Variants in CTIF observed in about 807,000 individuals in gnomAD.
CTIF encodes CBP80/20-dependent translation initiation factor.
In CTIF, 21 loss-of-function variants were observed where a neutral mutation model predicts 66.0. That is an observed-to-expected ratio of 0.32 (90% CI 0.23 to 0.46). The LOEUF (loss-of-function observed/expected upper bound fraction) is 0.46. Ranked by LOEUF, CTIF falls within the 20% of genes least tolerant of loss-of-function variation. The probability of loss-of-function intolerance (pLI) is 1.00; values close to 1 mark genes in which losing one functional copy is unlikely to be tolerated. For missense variants in CTIF, 739 were observed against 812.7 expected (o/e 0.91, Z 1.10); for synonymous variants, 345 against 326.4 (o/e 1.06, Z -0.62).
At chr18:48,825,696 A>G (rs2068569311) in intron 10 of CTIF, among the ~76,000 whole-genome samples, 1 of 152,226 alleles carries the variant, frequency 6.6e-6, no homozygotes, top group South Asian at 2.1e-4. Flanking sequence ...CACTTTGGCC[A>G]GAAGTGACCA....
chr18:48,732,439 G>T (rs1598944747), intron 7 of CTIF, among the ~76,000 whole-genome samples: 1 of 151,848 alleles, frequency 6.6e-6, no homozygotes, highest in Non-Finnish European at 1.5e-5. Context: ...CCTTGATGAC[G>T]GGGCTGACCA....
chr18:48,666,335 GTGT>G (rs1004350186), intron 5 of CTIF, among the ~76,000 whole-genome samples: 9 of 152,236 alleles, frequency 5.9e-5, no homozygotes, highest in African/African-American at 2.2e-4. Context: ...TCCCATCATA[GTGT>G]AATGAGCAAC....
At chr18:48,659,170 C>A (rs2091297611) in intron 3 of CTIF, among the ~76,000 whole-genome samples, 1 of 152,052 alleles carries the variant, frequency 6.6e-6, no homozygotes, top group African/African-American at 2.4e-5. Flanking sequence ...AAGGAGGTGT[C>A]CAGATTCTTG....
intron 1 of CTIF, among the ~76,000 whole-genome samples, chr18:48,574,555 T>C (rs921058484): frequency 2.0e-5 from 3 of 152,190 alleles, no homozygotes; most frequent in African/African-American, 4.8e-5. Context: ...CAGGGCCGCT[T>C]GGGACCCTCC....
chr18:48,743,330 T>C (rs1197216301), intron 7 of CTIF, among the ~76,000 whole-genome samples: 1 of 152,158 alleles, frequency 6.6e-6, no homozygotes, highest in African/African-American at 2.4e-5. Flanking sequence ...TCCTAAAAAC[T>C]CTCGGGTCTC....
chr18:48,858,385 G>A (rs116510788), intron 11 of CTIF, among the ~76,000 whole-genome samples: 6 of 152,386 alleles, frequency 3.9e-5, no homozygotes, highest in African/African-American at 1.4e-4. Flanking sequence ...CCCTACAGGG[G>A]GCTTGGGATT....
At chr18:48,579,390 C>G (rs55902088) in intron 1 of CTIF, among the ~76,000 whole-genome samples, 11,045 of 152,224 alleles carry the variant, frequency 0.073, 641 homozygotes, top group African/African-American at 0.17. Context: ...AAGTGACCTG[C>G]CTGCCTCGGC....
chr18:48,708,307 G>GC (rs2092184422), intron 6 of CTIF, among the ~76,000 whole-genome samples: 2 of 152,184 alleles, frequency 1.3e-5, no homozygotes, highest in East Asian at 3.8e-4. Flanking sequence ...CCTCACACTT[G>GC]CCCCCTGTTA....
Position 48,859,994 on chromosome 18 carries a change from C to T in CTIF, c.*435C>T. 1 of 459,746 alleles carries T rather than the reference C, an allele frequency of 2.2e-6. No individual in the cohort carries two copies. The highest frequency in any genetic ancestry group is 4.4e-6 in the Non-Finnish European group (1 of 229,404). The allele number at this position is 459,746 out of a possible 1,614,324, so 28.5% of individuals were successfully genotyped here. A position where few individuals can be genotyped will look rare whatever the true frequency, so the allele number is the denominator to read the frequency against. ...GCTGAAAAAGTGGGTCGGAGACGGGCTCGCATTGTTCCCGCATGCTGTCAG... is the reference window on the plus strand; with the variant it reads ...GCTGAAAAAGTGGGTCGGAGACGGGTTCGCATTGTTCCCGCATGCTGTCAG... On this transcript the variant is annotated 3_prime_UTR_variant, in exon 12 of 12. Coordinates refer to ENST00000256413, the MANE Select transcript of CTIF (RefSeq NM_014772.3).
At chr18:48,664,625 G>A (rs2091404596) in intron 5 of CTIF, 74 bp downstream of exon 5, 1 of 1,318,638 alleles carries the variant, frequency 7.6e-7, no homozygotes, top group Non-Finnish European at 1.1e-6. Context: ...TCCACAGGGA[G>A]GCTGCTCTGC....
intron 7 of CTIF, among the ~76,000 whole-genome samples, chr18:48,737,551 A>G (rs1331369542): frequency 1.3e-5 from 2 of 152,250 alleles, no homozygotes; most frequent in Admixed American, 1.3e-4. Context: ...GGATCAATTC[A>G]TTAAAAAAGG....
intron 1 of CTIF, among the ~76,000 whole-genome samples, chr18:48,552,293 T>G (rs1361449214): frequency 6.6e-6 from 1 of 152,258 alleles, no homozygotes; most frequent in African/African-American, 2.4e-5. Flanking sequence ...GGCTTGCCAG[T>G]GAGAAGACAA....
At chr18:48,694,084 C>G (rs2091972338) in intron 6 of CTIF, among the ~76,000 whole-genome samples, 1 of 152,216 alleles carries the variant, frequency 6.6e-6, no homozygotes, top group Admixed American at 6.5e-5. Flanking sequence ...GGTTGGCTTC[C>G]CTCACTCAGC....
intron 1 of CTIF, among the ~76,000 whole-genome samples, chr18:48,578,275 C>T (rs1319987772): frequency 6.6e-6 from 1 of 152,054 alleles, no homozygotes; most frequent in Non-Finnish European, 1.5e-5. Flanking sequence ...ATGAATAATG[C>T]TGCTCTGAAT....
At chr18:48,672,009 C>T (rs560378390) in intron 6 of CTIF, among the ~76,000 whole-genome samples, 1 of 36,024 alleles carries the variant, frequency 2.8e-5, no homozygotes, top group Admixed American at 2.2e-4. Flanking sequence ...CTAGAATCTG[C>T]ATTTTTAAAG....
intron 6 of CTIF, among the ~76,000 whole-genome samples, chr18:48,688,925 C>A (rs1033685470): frequency 6.6e-6 from 1 of 152,254 alleles, no homozygotes; most frequent in Non-Finnish European, 1.5e-5. Context: ...TCTGTCTCTG[C>A]ACACACTCCC....
chr18:48,852,251 A>C (rs1275466318), intron 10 of CTIF, among the ~76,000 whole-genome samples: 4 of 142,396 alleles, frequency 2.8e-5, no homozygotes, highest in African/African-American at 2.9e-5. Context: ...AAAAAAAAAA[A>C]AAAAAAAAAA....
At chr18:48,775,441 T>C (rs1910580160) in intron 9 of CTIF, among the ~76,000 whole-genome samples, 2 of 152,218 alleles carry the variant, frequency 1.3e-5, no homozygotes, top group South Asian at 4.1e-4. Flanking sequence ...ACGCAGAGAT[T>C]CTTCCACAAG....
intron 6 of CTIF, among the ~76,000 whole-genome samples, chr18:48,675,380 C>T (rs902179361): frequency 3.9e-5 from 6 of 152,152 alleles, no homozygotes; most frequent in African/African-American, 1.2e-4. Flanking sequence ...GTGGAGGCCT[C>T]GCCAGGATCG....
Sources: gnomAD v4.1 joint callset for allele counts (sites outside exome capture counted in the v4.1 genomes callset) on GRCh38, gnomAD v4.1.1 for gene constraint, MANE v1.5 for transcripts, NCBI Gene and HGNC (gene_info 2026-07-23, HGNC 2026-07-21) for gene names.